The following ITGB2 variants were observed in gnomAD, a reference collection of about 807,000 sequenced individuals.
ITGB2 encodes the protein integrin subunit beta 2, also known as integrin beta-2.
ITGB2 carries 56 observed loss-of-function variants against 86.8 expected under a neutral mutation model. The observed-to-expected ratio is 0.65, with a 90% CI of 0.52 to 0.81. The LOEUF (loss-of-function observed/expected upper bound fraction) is 0.81. Ranked by LOEUF, ITGB2 falls within the 30% of genes least tolerant of loss-of-function variation. The probability of loss-of-function intolerance (pLI) is 0.00; values close to 1 mark genes in which losing one functional copy is unlikely to be tolerated. For synonymous variants in ITGB2, 457 were observed against 450.4 expected (o/e 1.01, Z -0.19); for missense variants, 948 against 1,061.2 (o/e 0.89, Z 1.48).
At position 44,888,418 on chromosome 21, in the gene ITGB2, C is replaced by T. The variant is rs116344956; in HGVS notation, c.2080+275G>A. ...CGTGTGGCATGCTGGTGGGCCTGCC[C>T]GGTGTGGAGCAGTGGTGCCCCCAGG... On this transcript the variant is annotated intron_variant, in intron 14 of 15. Coordinates refer to ENST00000652462, the MANE Select transcript of ITGB2 (RefSeq NM_000211.5). 6.2e-3 allele frequency among the ~76,000 whole-genome samples: 946 copies of T among 152,320 alleles called. 10 individuals are homozygous for T. Among genetic ancestry groups the T allele is most frequent in the African/African-American group, 0.021 (883 of 41,588 alleles).
At chr21:44,914,543 G>A (rs1407923413) in intron 1 of ITGB2, among the ~76,000 whole-genome samples, 2 of 152,186 alleles carry the variant, frequency 1.3e-5, no homozygotes, top group African/African-American at 2.4e-5. Flanking sequence ...ACACGAAAGC[G>A]GCGTCAGAAG....
chr21:44,925,922 C>A (rs2146579068), intron 1 of ITGB2, among the ~76,000 whole-genome samples: 1 of 152,162 alleles, frequency 6.6e-6, no homozygotes, highest in African/African-American at 2.4e-5. Flanking sequence ...ACTAAAAATA[C>A]AACAACAACA....
At chr21:44,914,680 T>C (rs2084178124) in intron 1 of ITGB2, among the ~76,000 whole-genome samples, 2 of 152,072 alleles carry the variant, frequency 1.3e-5, no homozygotes, top group Non-Finnish European at 2.9e-5. Flanking sequence ...CCCAGTGTTT[T>C]GAGAGGCCAA....
chr21:44,906,661 G>A (rs968473599), intron 4 of ITGB2, among the ~76,000 whole-genome samples: 10 of 152,120 alleles, frequency 6.6e-5, no homozygotes, highest in African/African-American at 2.4e-5. Context: ...GGTGCAGAAC[G>A]TCGGGCTGCG....
At position 44,890,000 on chromosome 21, in the gene ITGB2, G is replaced by A. The variant is rs61747606; in HGVS notation, c.1635C>T (p.Asn545=). The change falls in exon 12 of 16, where the codon AAC becomes AAT. Residue 545 remains asparagine, a synonymous_variant. Coordinates refer to ENST00000652462, the MANE Select transcript of ITGB2 (RefSeq NM_000211.5). ...ECDTINCERY[N]GQVCGGPGRG... is the part of the protein sequence containing the mutation. The stretch of plus-strand genomic sequence containing the variant: ...CACCCGGGCCGCCGCAGACCTGGCC[G>A]TTGTAGCGCTCACAGTTGATGGTGT... 2.1e-3 allele frequency: 3,314 copies of A among 1,613,360 alleles called. 17 individuals are homozygous for A. The highest frequency in any genetic ancestry group is 5.8e-3 in the South Asian group (529 of 91,084).
intron 4 of ITGB2, among the ~76,000 whole-genome samples, chr21:44,904,766 C>A (rs2084018099): frequency 6.6e-6 from 1 of 151,986 alleles, no homozygotes; most frequent in South Asian, 2.1e-4. Context: ...CACCCATACA[C>A]ACACGTGCCA....
At chr21:44,905,545 C>A (rs2084029853) in intron 4 of ITGB2, among the ~76,000 whole-genome samples, 1 of 152,240 alleles carries the variant, frequency 6.6e-6, no homozygotes, top group Non-Finnish European at 1.5e-5. Flanking sequence ...CTCTGTCAGC[C>A]TCAGTTTCCT....
At chr21:44,906,406 C>A (rs1601315490) in intron 4 of ITGB2, among the ~76,000 whole-genome samples, 2 of 152,048 alleles carry the variant, frequency 1.3e-5, no homozygotes, top group Non-Finnish European at 2.9e-5. Flanking sequence ...CAGGCGTGAG[C>A]CACCGATAAG....
intron 7 of ITGB2, among the ~76,000 whole-genome samples, 186 bp from the exon 8 acceptor site, chr21:44,899,348 G>A (rs1371457183): frequency 6.6e-6 from 1 of 152,258 alleles, no homozygotes; most frequent in African/African-American, 2.4e-5. Context: ...TCTGGGCAAT[G>A]TGTGCATAGA....
At chr21:44,900,268 C>A in intron 7 of ITGB2, 52 bp downstream of exon 7, 1 of 1,610,372 alleles carries the variant, frequency 6.2e-7, no homozygotes, top group Non-Finnish European at 8.5e-7. Context: ...TTGTCTCCTC[C>A]GTCAGTGGTG....
chr21:44,888,717 G>T lies in ITGB2; in HGVS notation c.2056C>A (p.Leu686Ile). 6.2e-7 allele frequency: 1 copy of T among 1,610,214 alleles called. No homozygotes were observed. The part of the protein sequence containing the change: ...LEQQDGMDRY[L>I]IYVDESRECV... ...CCTCGGCTCTCATCCACATAGATGAGGTAGCGGTCCATCCCGTCCTGCTGC... is the reference window on the plus strand; with the variant it reads ...CCTCGGCTCTCATCCACATAGATGATGTAGCGGTCCATCCCGTCCTGCTGC... The change falls in exon 14 of 16, where the codon CTC (leucine) becomes ATC (isoleucine). Residue 686 changes from leucine to isoleucine, a missense_variant. By Grantham distance (5) the Leu-to-Ile change is conservative (BLOSUM62 2). Transcript: ENST00000652462.
intron 4 of ITGB2, among the ~76,000 whole-genome samples, chr21:44,904,568 A>G (rs2084014592): frequency 6.6e-6 from 1 of 151,666 alleles, no homozygotes; most frequent in Non-Finnish European, 1.5e-5. Flanking sequence ...ACACAACACC[A>G]GACACAAAGC....
At chr21:44,921,528 A>G (rs148348799), upstream of ITGB2, among the ~76,000 whole-genome samples, 6 of 152,118 alleles carry the variant, frequency 3.9e-5, no homozygotes, top group Admixed American at 2.6e-4. Context: ...AACTAGGGAC[A>G]TTAGGAGGAT....
chr21:44,895,296 G>A (rs150709865), intron 8 of ITGB2, among the ~76,000 whole-genome samples: 292 of 152,326 alleles, frequency 1.9e-3, no homozygotes, highest in African/African-American at 6.0e-3. Flanking sequence ...TCGGGAGGCC[G>A]ATGTGGGAAG....
Position 44,900,332 on chromosome 21 carries a change from C to T in ITGB2, c.885G>A (p.Arg295=). 2 of 1,614,212 alleles carry T rather than the reference C, an allele frequency of 1.2e-6. No homozygotes were observed. The highest frequency in any genetic ancestry group is 4.5e-5 in the East Asian group (2 of 44,884). The change falls in exon 7 of 16, where the codon AGG becomes AGA. Residue 295 remains arginine, a synonymous_variant. Coordinates refer to ENST00000652462, the MANE Select transcript of ITGB2 (RefSeq NM_000211.5). ...RCHLEDNLYK[R]SNEFDYPSVG... ...GGTGGGGACTTACGAATTCGTTGCT[C>T]CTCTTGTACAAGTTGTCCTCCAGGT... is the stretch of plus-strand genomic sequence containing the variant.
chr21:44,904,986 T>C (rs1399204056), intron 4 of ITGB2, among the ~76,000 whole-genome samples: 3 of 152,190 alleles, frequency 2.0e-5, no homozygotes, highest in Non-Finnish European at 4.4e-5. Flanking sequence ...TCACTTTCTA[T>C]GAAGGGCCAG....
chr21:44,911,062 C>T, intron 1 of ITGB2: 1 of 548,332 alleles, frequency 1.8e-6, no homozygotes, highest in East Asian at 3.1e-5. Flanking sequence ...AACACAGGCA[C>T]ACACACACAT....
At chr21:44,912,800 AGCCAGCTTCAGGACTCCCCCAGGGTGC>A (rs2084153734) in intron 1 of ITGB2, among the ~76,000 whole-genome samples, 1 of 109,704 alleles carries the variant, frequency 9.1e-6, no homozygotes, top group Admixed American at 8.3e-5. Context: ...TGCAGGGTCC[AGCCAGCTTCAGGACTCCCCCAGGGTGC>A]AGGGTCCAGC....
rs751348408 is a variant in ITGB2 at position 44,903,516 on chromosome 21, G to A, written c.348C>T (p.Asn116=). The A allele has an allele frequency of 8.1e-6, 13 of 1,613,944 alleles. No individual in the cohort carries two copies. In the East Asian group the frequency reaches 1.1e-4, roughly 14 times the overall value. The change falls in exon 5 of 16, where the codon AAC becomes AAT. Residue 116 remains asparagine (N), a synonymous_variant. Coordinates refer to ENST00000652462, the MANE Select transcript of ITGB2 (RefSeq NM_000211.5). ...YLRPGQAAAF[N]VTFRRAKGYP... ...AGCCCTTGGCCCGCCGGAAGGTCACGTTGAACGCTGCTGCCTGGCCTGCCG... is the reference window on the plus strand; with the variant it reads ...AGCCCTTGGCCCGCCGGAAGGTCACATTGAACGCTGCTGCCTGGCCTGCCG...
Sources: allele counts gnomAD v4.1 joint callset (sites outside exome capture counted in the v4.1 genomes callset), GRCh38; gene constraint gnomAD v4.1.1; transcripts MANE v1.5; gene names NCBI Gene and HGNC (gene_info 2026-07-23, HGNC 2026-07-21).